The following ARL3 variants were observed in gnomAD, a reference collection of about 807,000 sequenced individuals.
ARL3 encodes ARF like GTPase 3, also known as ADP-ribosylation factor-like protein 3.
A neutral mutation model predicts 26.0 loss-of-function variants in ARL3; 9 were observed. The observed-to-expected ratio is 0.35, with a 90% CI of 0.21 to 0.60. The LOEUF (loss-of-function observed/expected upper bound fraction) is 0.60, where lower values mean the gene tolerates loss of function less well. Ranked by LOEUF, ARL3 falls within the 20% of genes least tolerant of loss-of-function variation. The pLI is 0.78. For missense variants in ARL3, 158 were observed against 215.7 expected (o/e 0.73, Z 1.67); for synonymous variants, 71 against 78.4 (o/e 0.91, Z 0.50).
At chr10:102,689,577 A>C (rs2064205896) in intron 4 of ARL3, among the ~76,000 whole-genome samples, 1 of 152,200 alleles carries the variant, frequency 6.6e-6, no homozygotes, top group Non-Finnish European at 1.5e-5. Flanking sequence ...CACGCCTGTA[A>C]TCCCAGCACC....
chr10:102,684,890 G>A (rs915293284), intron 5 of ARL3, among the ~76,000 whole-genome samples: 54 of 150,974 alleles, frequency 3.6e-4, no homozygotes, highest in Middle Eastern at 3.4e-3. Context: ...TGATCCACCC[G>A]CCTCGGCCTC....
rs1251907122 is a variant in ARL3, at chr10:102,676,752, T to C, written c.*142A>G. On this transcript the variant is annotated 3_prime_UTR_variant, in exon 6 of 6. Transcript: ENST00000260746. ...AAATCTACTGCTGGAATGGGGATTCTTTCTAAACCGTGTTGTTCCCTCTCT... is the reference window on the plus strand; with the variant it reads ...AAATCTACTGCTGGAATGGGGATTCCTTCTAAACCGTGTTGTTCCCTCTCT... The C allele has an allele frequency of 1.1e-5, 9 of 798,190 alleles. No individual in the cohort carries two copies. The East Asian group carries it at 2.0e-4, about 18-fold the overall frequency. 49.4% of individuals were successfully genotyped at this position (798,190 alleles called of 1,614,324 possible). A position where few individuals can be genotyped will look rare whatever the true frequency, so the allele number is the denominator to read the frequency against.
intron 3 of ARL3, among the ~76,000 whole-genome samples, chr10:102,694,469 C>T (rs2064236795): frequency 6.6e-6 from 1 of 151,810 alleles, no homozygotes; most frequent in African/African-American, 2.4e-5. Flanking sequence ...TTGTCAAGGG[C>T]TCTAGGTCGA....
chr10:102,689,649 T>A (rs542827483), intron 4 of ARL3, among the ~76,000 whole-genome samples: 21 of 152,190 alleles, frequency 1.4e-4, no homozygotes, highest in African/African-American at 4.8e-4. Context: ...CTGACCAATG[T>A]GGTGAAACCC....
chr10:102,677,608 G>C (rs552621660), intron 5 of ARL3, among the ~76,000 whole-genome samples: 197 of 152,298 alleles, frequency 1.3e-3, no homozygotes, highest in Middle Eastern at 3.4e-3. Context: ...GCTGAAGAGG[G>C]ACCAAGGTAA....
In ARL3 at chr10:102,676,262, C is replaced by CG. The variant is rs2064130321; in HGVS notation, c.*631_*632insC. ...TGTAGTGACTTGTCTGCAAGAAAGA[C>CG]TTTTTTTTTTTTTTCTGTCCAAAGA... On this transcript the variant is annotated 3_prime_UTR_variant, in exon 6 of 6. Transcript: ENST00000260746. 1 of 138,978 alleles carries CG rather than the reference C, an allele frequency of 7.2e-6. No individual in the cohort carries two copies. Among genetic ancestry groups the CG allele is most frequent in the Non-Finnish European group, 1.5e-5 (1 of 66,114 alleles). 8.6% of individuals were successfully genotyped at this position (138,978 alleles called of 1,614,324 possible). A position where few individuals can be genotyped will look rare whatever the true frequency, so the allele number is the denominator to read the frequency against.
At chr10:102,691,813 T>C (rs1262544622) in intron 3 of ARL3, among the ~76,000 whole-genome samples, 1 of 152,174 alleles carries the variant, frequency 6.6e-6, no homozygotes, top group Admixed American at 6.6e-5. Flanking sequence ...CAACCAACAA[T>C]GGAAGACTAT....
At chr10:102,683,834 A>G (rs1357781817) in intron 5 of ARL3, among the ~76,000 whole-genome samples, 1 of 152,068 alleles carries the variant, frequency 6.6e-6, no homozygotes, top group Non-Finnish European at 1.5e-5. Flanking sequence ...GGGGGTTGGG[A>G]AGAAAATGAC....
chr10:102,681,439 C>T (rs2064155947), intron 5 of ARL3, among the ~76,000 whole-genome samples: 1 of 151,360 alleles, frequency 6.6e-6, no homozygotes. Flanking sequence ...AGGGACAAGT[C>T]CCCCAAATCA....
chr10:102,681,479 C>T (rs774138546), intron 5 of ARL3, among the ~76,000 whole-genome samples: 18 of 151,880 alleles, frequency 1.2e-4, no homozygotes, highest in South Asian at 2.1e-4. Context: ...AAGAAATGGG[C>T]GAGTGAGCAT....
intron 1 of ARL3, among the ~76,000 whole-genome samples, 172 bp from the exon 2 acceptor site, chr10:102,705,661 G>C (rs1411522502): frequency 6.6e-6 from 1 of 152,168 alleles, no homozygotes; most frequent in Admixed American, 6.5e-5. Flanking sequence ...AGTTTCGGTA[G>C]AAGTGCTACA....
In ARL3 at chr10:102,673,826, G is replaced by A. The variant is rs2064116398; in HGVS notation, c.*3068C>T. On this transcript the variant is annotated 3_prime_UTR_variant, in exon 6 of 6. Coordinates refer to ENST00000260746, the MANE Select transcript of ARL3 (RefSeq NM_004311.4). The stretch of plus-strand genomic sequence containing the variant: ...GACCAAACACCACATCTCTTCCTTT[G>A]ATTATCATTTTCAAAAGGGATTATA... 6.6e-6 allele frequency: 1 copy of A among 152,076 alleles called. No individual in the cohort carries two copies. The highest frequency in any genetic ancestry group is 1.5e-5 in the Non-Finnish European group (1 of 68,014). The allele number at this position is 152,076 out of a possible 1,614,324, so 9.4% of individuals were successfully genotyped here. A position where few individuals can be genotyped will look rare whatever the true frequency, so the allele number is the denominator to read the frequency against.
chr10:102,708,151 C>T (rs2064319244), intron 1 of ARL3, among the ~76,000 whole-genome samples: 3 of 107,624 alleles, frequency 2.8e-5, no homozygotes, highest in East Asian at 2.7e-4. Context: ...TAAGCTCAAG[C>T]GATCCACCCA....
rs1016220898 is a variant in ARL3 at position 102,705,553 on chromosome 10, G to A, written c.4-64C>T. On this transcript the variant is annotated intron_variant, in intron 1 of 5. Transcript: ENST00000260746. ...ACTGACTGTGATATTAACTGGATAT[G>A]AGAATAACTTCTCCTTGAAAAAAGT... is the stretch of plus-strand genomic sequence containing the variant. The A allele has an allele frequency of 7.9e-6, 11 of 1,400,450 alleles. No homozygotes were observed. The South Asian group carries it at 8.7e-5, about 11-fold the overall frequency. The allele number at this position is 1,400,450 out of a possible 1,614,324, so 86.8% of individuals were successfully genotyped here. A position where few individuals can be genotyped will look rare whatever the true frequency, so the allele number is the denominator to read the frequency against.
At position 102,692,772 on chromosome 10, in the gene ARL3, G is replaced by A. The variant is rs549438238; in HGVS notation, c.265-2829C>T. Reference sequence around the variant, plus strand: ...CACCCAGGCTGGAGTGCAGTGGCGCGATCTTGGCTCACTGCAAGCTCCATC... The same window carrying A: ...CACCCAGGCTGGAGTGCAGTGGCGCAATCTTGGCTCACTGCAAGCTCCATC... On this transcript the variant is annotated intron_variant, in intron 3 of 5. Coordinates refer to ENST00000260746, the MANE Select transcript of ARL3 (RefSeq NM_004311.4). Among the ~76,000 whole-genome samples the A allele has an allele frequency of 8.5e-5, 13 of 152,106 alleles. No individual in the cohort carries two copies. In the East Asian group the frequency reaches 2.1e-3, roughly 25 times the overall value.
chr10:102,711,742 G>T (rs2064342471), intron 1 of ARL3, among the ~76,000 whole-genome samples: 1 of 151,598 alleles, frequency 6.6e-6, no homozygotes, highest in Admixed American at 6.6e-5. Flanking sequence ...GGGTGACAGA[G>T]CAAGACTCCG....
At chr10:102,693,241 T>C (rs1590123428) in intron 3 of ARL3, among the ~76,000 whole-genome samples, 1 of 152,234 alleles carries the variant, frequency 6.6e-6, no homozygotes, top group Admixed American at 6.5e-5. Context: ...GCTAAGACTA[T>C]GTTTAGCTTT....
At chr10:102,696,302 G>C (rs2064247568) in intron 3 of ARL3, among the ~76,000 whole-genome samples, 1 of 133,616 alleles carries the variant, frequency 7.5e-6, no homozygotes, top group African/African-American at 2.8e-5. Flanking sequence ...GTCTTGGTCT[G>C]TCGCCAAAGC....
In ARL3 at chr10:102,700,496, G is replaced by A. The variant is rs559886272; in HGVS notation, c.148-1007C>T. On this transcript the variant is annotated intron_variant, in intron 2 of 5. Coordinates refer to ENST00000260746, the MANE Select transcript of ARL3 (RefSeq NM_004311.4). ...CATTTTTTTTTTGAGACAGAGTCTC[G>A]CTCTGTTGCCCAGACTGGAGTGCAG... Among the ~76,000 whole-genome samples the A allele has an allele frequency of 3.1e-4, 47 of 149,554 alleles. 1 individual carries two copies. The highest frequency in any genetic ancestry group is 1.3e-3 in the Admixed American group (19 of 14,946).
Sources: gnomAD v4.1 joint callset for allele counts (sites outside exome capture counted in the v4.1 genomes callset) on GRCh38, gnomAD v4.1.1 for gene constraint, MANE v1.5 for transcripts, NCBI Gene and HGNC (gene_info 2026-07-23, HGNC 2026-07-21) for gene names.